Variants in TSNARE1 observed in about 807,000 individuals in gnomAD.
TSNARE1 encodes t-SNARE domain containing 1, also known as t-SNARE domain-containing protein 1.
In TSNARE1, 49 loss-of-function variants were observed where a neutral mutation model predicts 62.0. The observed-to-expected ratio is 0.79, with a 90% confidence interval of 0.63 to 1.00. TSNARE1 has a LOEUF of 1.00. Ranked by LOEUF, TSNARE1 falls within the 50% of genes least tolerant of loss-of-function variation. The probability of loss-of-function intolerance (pLI) is 0.00; values close to 1 mark genes in which losing one functional copy is unlikely to be tolerated. For missense variants in TSNARE1, 755 were observed against 700.1 expected (o/e 1.08, Z -0.88); for synonymous variants, 328 against 294.4 (o/e 1.11, Z -1.17).
At chr8:142,336,581 T>C (rs1831789634) in intron 4 of TSNARE1, among the ~76,000 whole-genome samples, 1 of 152,042 alleles carries the variant, frequency 6.6e-6, no homozygotes, top group Non-Finnish European at 1.5e-5. Flanking sequence ...AAGCAAAAAC[T>C]GATAGAACTG....
At chr8:142,400,752 G>A (rs1229639632) in intron 1 of TSNARE1, among the ~76,000 whole-genome samples, 2 of 152,188 alleles carry the variant, frequency 1.3e-5, no homozygotes, top group Non-Finnish European at 2.9e-5. Context: ...CAACAACCTC[G>A]GAAGAAATGT....
chr8:142,236,987 G>A (rs1302807347), intron 12 of TSNARE1, among the ~76,000 whole-genome samples: 2 of 152,210 alleles, frequency 1.3e-5, no homozygotes, highest in East Asian at 3.9e-4. Flanking sequence ...CAGACCTGAA[G>A]GCAGGAAGGG....
chr8:142,221,616 C>T (rs1195841575), intron 13 of TSNARE1, among the ~76,000 whole-genome samples: 2 of 152,230 alleles, frequency 1.3e-5, no homozygotes, highest in East Asian at 1.9e-4. Context: ...GGGGCCCTCA[C>T]TCACTCATTC....
intron 12 of TSNARE1, among the ~76,000 whole-genome samples, chr8:142,246,939 G>T (rs188360723): frequency 6.6e-6 from 1 of 152,216 alleles, no homozygotes; most frequent in African/African-American, 2.4e-5. Flanking sequence ...ACCACAGCAC[G>T]CCCTCAGTCA....
chr8:142,256,689 G>A (rs187065713), intron 12 of TSNARE1, among the ~76,000 whole-genome samples: 4 of 151,982 alleles, frequency 2.6e-5, no homozygotes, highest in Admixed American at 1.3e-4. Flanking sequence ...GGCATTCCTG[G>A]TATTATATTT....
chr8:142,303,544 C>T (rs910308294), intron 9 of TSNARE1, among the ~76,000 whole-genome samples: 3 of 152,234 alleles, frequency 2.0e-5, no homozygotes, highest in African/African-American at 2.4e-5. Context: ...TCCAGGAACA[C>T]CCATGGGGGG....
Position 142,354,645 on chromosome 8 carries a change from T to C in TSNARE1, c.80A>G (p.Gln27Arg), listed in dbSNP as rs117184426. 1.7e-3 allele frequency: 2,769 copies of C among 1,612,482 alleles called. 17 individuals carry two copies. Among genetic ancestry groups the C allele is most frequent in the South Asian group, 4.8e-3 (439 of 91,000 alleles). ...CCAGCTACTATCATTACCTAGGGGC[T>C]GACAGCCTTGTCTCGAAGGTCCCCC... ...PFGGPSRQGCQPLECARCWTE... is the reference protein window; with the variant it reads ...PFGGPSRQGCRPLECARCWTE... Residue 27 changes from glutamine (Q) to arginine (R), a missense_variant, in exon 2 of 14, where the codon CAG becomes CGG. Coordinates refer to ENST00000524325, the MANE Select transcript of TSNARE1 (RefSeq NM_145003.5).
intron 13 of TSNARE1, among the ~76,000 whole-genome samples, chr8:142,227,078 G>C (rs1336708483): frequency 4.9e-5 from 7 of 144,328 alleles, no homozygotes; most frequent in Admixed American, 2.7e-4. Context: ...CCACACAGCA[G>C]TGACAGCCAG....
At chr8:142,364,255 T>C (rs1238713870) in intron 1 of TSNARE1, among the ~76,000 whole-genome samples, 1 of 152,108 alleles carries the variant, frequency 6.6e-6, no homozygotes, top group Admixed American at 6.5e-5. Context: ...GAGAAGCATG[T>C]CCTCGTCATC....
rs1238999563 is a variant in TSNARE1 at position 142,330,919 on chromosome 8, T to C, written c.875A>G (p.Gln292Arg). ...LQSLGTPSDTQELRDSLHTAQ... is the reference protein window; with the variant it reads ...LQSLGTPSDTRELRDSLHTAQ... ...CACTCACAGGCTGTCCCGAAGCTCC[T>C]GCGTGTCACTCGGTGTCCCTAAGGA... is the stretch of plus-strand genomic sequence containing the variant. The change falls in exon 6 of 14, where the codon CAG (glutamine) becomes CGG (arginine). Residue 292 changes from glutamine (Q) to arginine (R), a missense_variant. Physicochemically the swap from Gln to Arg is conservative, Grantham distance 43 (BLOSUM62 1). Coordinates refer to ENST00000524325, the MANE Select transcript of TSNARE1 (RefSeq NM_145003.5). The C allele has an allele frequency of 6.2e-7, 1 of 1,614,108 alleles. No individual in the cohort carries two copies. The highest frequency in any genetic ancestry group is 8.5e-7 in the Non-Finnish European group (1 of 1,179,998).
chr8:142,289,546 C>T (rs1271892333), intron 10 of TSNARE1, among the ~76,000 whole-genome samples: 2 of 152,254 alleles, frequency 1.3e-5, no homozygotes, highest in Admixed American at 6.5e-5. Context: ...ATCAGCCACA[C>T]GAGCTGCAGG....
intron 9 of TSNARE1, among the ~76,000 whole-genome samples, chr8:142,313,400 CTG>C (rs201182443): frequency 1.3e-4 from 18 of 139,974 alleles, no homozygotes; most frequent in East Asian, 4.5e-4. Flanking sequence ...GTCTGCGTGT[CTG>C]TGTTTATGTG....
chr8:142,229,519 T>C lies in TSNARE1; in HGVS notation c.1507A>G (p.Ile503Val), dbSNP rs2130071092. Residue 503 changes from isoleucine to valine, a missense_variant, in exon 13 of 14, where the codon ATC becomes GTC. Physicochemically the swap from Ile to Val is conservative, Grantham distance 29 (BLOSUM62 3). Transcript: ENST00000524325. ...ACAGAGGTGGCGATGATGATGATGATGACAAGCAGGGCAGTGACTCCAGCT... is the reference window on the plus strand; with the variant it reads ...ACAGAGGTGGCGATGATGATGATGACGACAAGCAGGGCAGTGACTCCAGCT... Reference protein sequence around the residue: ...LSAGVTALLVIIIIIATSVRK With the variant: ...LSAGVTALLVVIIIIATSVRK 9 of 1,614,062 alleles carry C rather than the reference T, an allele frequency of 5.6e-6. No homozygotes were observed. Among genetic ancestry groups the C allele is most frequent in the Non-Finnish European group, 7.6e-6 (9 of 1,179,984 alleles).
chr8:142,258,991 T>C (rs370325102), intron 12 of TSNARE1, among the ~76,000 whole-genome samples: 3 of 152,304 alleles, frequency 2.0e-5, no homozygotes, highest in African/African-American at 7.2e-5. Flanking sequence ...AAGGGGCCCC[T>C]GAGCCACCGC....
At chr8:142,372,540 G>A (rs1035103240) in intron 1 of TSNARE1, among the ~76,000 whole-genome samples, 3 of 152,132 alleles carry the variant, frequency 2.0e-5, no homozygotes, top group Non-Finnish European at 4.4e-5. Flanking sequence ...GGGGTGGAGC[G>A]GGGGTGCTGG....
chr8:142,244,278 T>C (rs1817788794), intron 12 of TSNARE1, among the ~76,000 whole-genome samples: 1 of 152,186 alleles, frequency 6.6e-6, no homozygotes, highest in Non-Finnish European at 1.5e-5. Context: ...AAATGAACAC[T>C]TGGCTGACTA....
intron 10 of TSNARE1, among the ~76,000 whole-genome samples, chr8:142,287,585 AG>A (rs1822973727): frequency 7.9e-6 from 1 of 127,126 alleles, no homozygotes; most frequent in Non-Finnish European, 1.6e-5. Context: ...GCCAGATCTC[AG>A]GGACAGTGGG....
intron 10 of TSNARE1, chr8:142,300,003 TAC>T (rs1038545441): frequency 3.3e-5 from 5 of 153,732 alleles, no homozygotes; most frequent in African/African-American, 1.2e-4. Context: ...GCCCACACTC[TAC>T]AGTTGTACCC....
chr8:142,247,877 T>C (rs1290031636), intron 12 of TSNARE1: 2 of 152,318 alleles, frequency 1.3e-5, no homozygotes, highest in East Asian at 1.9e-4. Flanking sequence ...ACCCTTGTGG[T>C]GTCTGGATGA....
Sources: gnomAD v4.1 joint callset for allele counts (sites outside exome capture counted in the v4.1 genomes callset) on GRCh38, gnomAD v4.1.1 for gene constraint, MANE v1.5 for transcripts, NCBI Gene and HGNC (gene_info 2026-07-23, HGNC 2026-07-21) for gene names.